KIF13B: variants seen among roughly 807,000 people sequenced by gnomAD.
The protein encoded by KIF13B is kinesin-like protein KIF13B.
KIF13B carries 127 observed loss-of-function variants against 222.0 expected under a neutral mutation model. The ratio of observed to expected loss-of-function variants is 0.57; its 90% confidence interval spans 0.50 to 0.66. The LOEUF is 0.66. Ranked by LOEUF, KIF13B falls within the 30% of genes least tolerant of loss-of-function variation. KIF13B has a pLI of 0.00. For synonymous variants in KIF13B, 976 were observed against 919.0 expected, an observed-to-expected ratio of 1.06 and a Z score of -1.12; for missense variants, 2,173 against 2,379.0, an observed-to-expected ratio of 0.91 and a Z score of 1.80.
intron 2 of KIF13B, among the ~76,000 whole-genome samples, chr8:29,228,719 A>G (rs1443656585): frequency 6.6e-6 from 1 of 152,064 alleles, no homozygotes; most frequent in Non-Finnish European, 1.5e-5. Flanking sequence ...AACAGGTGGC[A>G]TGACCAATGC....
At chr8:29,258,769 T>C (rs1423719075) in intron 1 of KIF13B, among the ~76,000 whole-genome samples, 2 of 152,164 alleles carry the variant, frequency 1.3e-5, no homozygotes, top group African/African-American at 4.8e-5. Context: ...TAAACTCCTC[T>C]CGATTCCCTT....
At chr8:29,114,187 A>C (rs1809489544) in intron 31 of KIF13B, among the ~76,000 whole-genome samples, 1 of 152,234 alleles carries the variant, frequency 6.6e-6, no homozygotes. Flanking sequence ...GAATACCATC[A>C]GGGAACAAAG....
At chr8:29,148,948 T>C (rs547918250) in intron 15 of KIF13B, among the ~76,000 whole-genome samples, 181 bp from the exon 16 acceptor site, 2 of 152,272 alleles carry the variant, frequency 1.3e-5, no homozygotes, top group African/African-American at 4.8e-5. Flanking sequence ...AGCAAAAACT[T>C]ACAACAGAAA....
chr8:29,222,515 CTTTTTTTTTTTTTTTTTTTTTTTTT>C (rs58488862), intron 2 of KIF13B, among the ~76,000 whole-genome samples: 224 of 60,602 alleles, frequency 3.7e-3, no homozygotes, highest in African/African-American at 0.015. Context: ...CCACACCTGA[CTTTTTTTTTTTTTTTTTTTTTTTTT>C]TTTTTTTTTT....
intron 23 of KIF13B, among the ~76,000 whole-genome samples, chr8:29,131,100 A>G (rs1424159337): frequency 2.0e-5 from 3 of 152,182 alleles, no homozygotes; most frequent in Admixed American, 6.5e-5. Flanking sequence ...GTTCTCGCTT[A>G]TAAGTGGGAG....
At chr8:29,140,331 C>G (rs551879531) in intron 20 of KIF13B, 137 bp downstream of exon 20, 5 of 1,398,994 alleles carry the variant, frequency 3.6e-6, no homozygotes, top group Admixed American at 2.3e-5. Context: ...GACAGTTACT[C>G]TACCCTAAGA....
At chr8:29,078,781 T>C (rs1311031573) in intron 37 of KIF13B, among the ~76,000 whole-genome samples, 2 of 152,226 alleles carry the variant, frequency 1.3e-5, no homozygotes, top group African/African-American at 2.4e-5. Flanking sequence ...CACATTGCCC[T>C]GTAAGTGAGT....
rs186154567 is a variant in KIF13B, at chr8:29,249,386, C to G, written c.56-3947G>C. On this transcript the variant is annotated intron_variant, in intron 1 of 39. Coordinates refer to ENST00000524189, the MANE Select transcript of KIF13B (RefSeq NM_015254.4). ...TGGAGGTTGCAGTGAGCCAAGATCA[C>G]GCCACTGCACTCCAGCCTGGGCGAC... 3.2e-3 allele frequency among the ~76,000 whole-genome samples: 478 copies of G among 148,194 alleles called. 1 individual carries two copies. Among genetic ancestry groups the G allele is most frequent in the Non-Finnish European group, 4.7e-3 (318 of 67,588 alleles).
chr8:29,093,465 T>C (rs1808390446), intron 36 of KIF13B, among the ~76,000 whole-genome samples: 1 of 152,188 alleles, frequency 6.6e-6, no homozygotes, highest in Admixed American at 6.5e-5. Flanking sequence ...TACAGACAGG[T>C]ATACTTATGA....
rs573192774 is a variant in KIF13B at position 29,147,944 on chromosome 8, T to A, written c.1814-342A>T. Among the ~76,000 whole-genome samples, 29 of 152,326 alleles carry A rather than the reference T, an allele frequency of 1.9e-4. No individual in the cohort carries two copies. In the East Asian group the frequency reaches 5.2e-3, roughly 27 times the overall value. On this transcript the variant is annotated intron_variant, in intron 16 of 39. Coordinates refer to ENST00000524189, the MANE Select transcript of KIF13B (RefSeq NM_015254.4). Reference sequence around the variant, plus strand: ...CGGGCACAGTGGCTCACACCTGTAATCCCAGCATTTTGGGAGGCCGAGGTG... The same window carrying A: ...CGGGCACAGTGGCTCACACCTGTAAACCCAGCATTTTGGGAGGCCGAGGTG...
chr8:29,074,268 C>A (rs1490383728), intron 38 of KIF13B, among the ~76,000 whole-genome samples: 1 of 152,182 alleles, frequency 6.6e-6, no homozygotes, highest in Non-Finnish European at 1.5e-5. Flanking sequence ...CTACAGCAGG[C>A]CTCCAGAGGG....
intron 12 of KIF13B, among the ~76,000 whole-genome samples, chr8:29,162,525 A>G (rs1811825680): frequency 6.6e-6 from 1 of 152,236 alleles, no homozygotes; most frequent in Non-Finnish European, 1.5e-5. Context: ...CTCCTTGAAA[A>G]AGACTCATGT....
At position 29,219,850 on chromosome 8, in the gene KIF13B, C is replaced by T. The variant is rs182897331; in HGVS notation, c.150-23651G>A. On this transcript the variant is annotated intron_variant, in intron 2 of 39. Coordinates refer to ENST00000524189, the MANE Select transcript of KIF13B (RefSeq NM_015254.4). Reference sequence around the variant, plus strand: ...GGCCAAGGCAGGCAGATCGCTTGAACCCAGGAATTCAAGACCAGCCTGGGG... The same window carrying T: ...GGCCAAGGCAGGCAGATCGCTTGAATCCAGGAATTCAAGACCAGCCTGGGG... 3.2e-3 allele frequency among the ~76,000 whole-genome samples: 481 copies of T among 152,216 alleles called. 2 individuals carry two copies. Among genetic ancestry groups the T allele is most frequent in the Middle Eastern group, 6.8e-3 (2 of 294 alleles).
Position 29,193,804 on chromosome 8 carries a change from C to T in KIF13B, c.162+2383G>A, listed in dbSNP as rs146445349. ...AGATGCTATGTAAATAGTTGTCATA[C>T]TGTACTGCTTTTTACATTTTTACTT... On this transcript the variant is annotated intron_variant, in intron 3 of 39. Transcript: ENST00000524189. Among the ~76,000 whole-genome samples the T allele has an allele frequency of 9.2e-4, 140 of 152,256 alleles. 1 individual carries two copies. Among genetic ancestry groups the T allele is most frequent in the African/African-American group, 3.3e-3 (136 of 41,558 alleles).
intron 14 of KIF13B, among the ~76,000 whole-genome samples, chr8:29,152,610 TA>T (rs201263096): frequency 0.015 from 1,724 of 111,952 alleles, 36 homozygotes; most frequent in African/African-American, 0.068. Flanking sequence ...GAGTTTTAAT[TA>T]AAAAAAAATT....
At chr8:29,077,017 G>A (rs917469096) in intron 37 of KIF13B, among the ~76,000 whole-genome samples, 1 of 152,170 alleles carries the variant, frequency 6.6e-6, no homozygotes, top group Non-Finnish European at 1.5e-5. Context: ...CCAAGGAAAT[G>A]AACAAAAGGA....
rs1258571920 is a variant in KIF13B at position 29,222,513 on chromosome 8, GACTTTTTTTTTTTTTTT to G, written c.149+22816_149+22832del. ...ACTCCTGAGCTCAAGTCCCACACCTGACTTTTTTTTTTTTTTTTTTTTTTTTTTTTTTTTTTTTTTTT... is the reference window on the plus strand; with the variant it reads ...ACTCCTGAGCTCAAGTCCCACACCTGTTTTTTTTTTTTTTTTTTTTTTTTT... On this transcript the variant is annotated intron_variant, in intron 2 of 39. Transcript: ENST00000524189. Among the ~76,000 whole-genome samples, 37 of 95,752 alleles carry G rather than the reference GACTTTTTTTTTTTTTTT, an allele frequency of 3.9e-4. 1 individual carries two copies. Among genetic ancestry groups the G allele is most frequent in the East Asian group, 3.6e-3 (8 of 2,228 alleles). 62.8% of individuals were successfully genotyped at this position (95,752 alleles called of 152,430 possible). A position where few individuals can be genotyped will look rare whatever the true frequency, so the allele number is the denominator to read the frequency against.
intron 2 of KIF13B, among the ~76,000 whole-genome samples, chr8:29,213,815 G>A (rs1189920478): frequency 6.6e-6 from 1 of 152,026 alleles, no homozygotes; most frequent in Non-Finnish European, 1.5e-5. Context: ...ATAGCCAGGT[G>A]TGGTGGCAGG....
At chr8:29,113,428 T>C (rs1325626799) in intron 32 of KIF13B, 35 bp downstream of exon 32, 8 of 1,338,202 alleles carry the variant, frequency 6.0e-6, no homozygotes, top group Non-Finnish European at 7.3e-6. Flanking sequence ...TTTTAAGTGT[T>C]TATTTTTAGT....
Sources: gnomAD v4.1 joint callset for allele counts (sites outside exome capture counted in the v4.1 genomes callset) on GRCh38, gnomAD v4.1.1 for gene constraint, MANE v1.5 for transcripts, NCBI Gene and HGNC (gene_info 2026-07-23, HGNC 2026-07-21) for gene names.